ERI1: variants seen among roughly 807,000 people sequenced by gnomAD.
ERI1 encodes exoribonuclease 1.
A neutral mutation model predicts 39.7 loss-of-function variants in ERI1; 39 were observed. That is an observed-to-expected ratio of 0.98 (90% CI 0.76 to 1.28). The LOEUF (loss-of-function observed/expected upper bound fraction) is 1.28. Among genes scored for constraint, ERI1 ranks in the 50% most tolerant of loss-of-function variants. The pLI is 0.00. For synonymous variants in ERI1, 204 were observed against 149.6 expected (o/e 1.36, Z -2.65); for missense variants, 581 against 416.9 (o/e 1.39, Z -3.43).
chr8:9,036,041 A>G (rs371048831), downstream of ERI1, among the ~76,000 whole-genome samples: 5 of 152,246 alleles, frequency 3.3e-5, no homozygotes, highest in Admixed American at 2.6e-4. Context: ...CAGCCTCATG[A>G]TAAAACTTGA....
chr8:9,009,936 CTA>C (rs1239475341), intron 2 of ERI1, among the ~76,000 whole-genome samples: 1 of 152,208 alleles, frequency 6.6e-6, no homozygotes, highest in Non-Finnish European at 1.5e-5. Flanking sequence ...TGAAGGAACT[CTA>C]TGCTGAAGTC....
chr8:9,048,788 G>T lies in ERI1; in HGVS notation n.299+28324G>T, dbSNP rs577568304. Among the ~76,000 whole-genome samples, 26 of 152,214 alleles carry T rather than the reference G, an allele frequency of 1.7e-4. No individual in the cohort carries two copies. In the South Asian group the frequency reaches 2.7e-3, roughly 16 times the overall value. On this transcript the variant is annotated intron_variant and non_coding_transcript_variant, in intron 3 of 3. Transcript: ENST00000518663. ...GCTTCCTGAGTAGCTGGGACCACAG[G>T]TACGTGCCCCTGGCTAATTATTATT...
At chr8:9,094,343 C>T (rs1799805541) in intron 3 of ERI1, among the ~76,000 whole-genome samples, 1 of 152,210 alleles carries the variant, frequency 6.6e-6, no homozygotes, top group African/African-American at 2.4e-5. Context: ...ACTTGGGCAG[C>T]ATTCCAAAAG....
At chr8:9,013,100 C>A (rs899222285) in intron 3 of ERI1, among the ~76,000 whole-genome samples, 1 of 151,956 alleles carries the variant, frequency 6.6e-6, no homozygotes, top group Admixed American at 6.6e-5. Flanking sequence ...CTGCAACCTC[C>A]ACCTCCTGGG....
At chr8:9,016,266 GT>G (rs1296228151) in intron 3 of ERI1, 55 bp from the exon 4 acceptor site, 1 of 1,082,960 alleles carries the variant, frequency 9.2e-7, no homozygotes, top group Non-Finnish European at 1.4e-6. Context: ...CGTGTATCAT[GT>G]ATCGTGTATC....
At chr8:9,036,902 C>A (rs950115815), downstream of ERI1, among the ~76,000 whole-genome samples, 8 of 152,120 alleles carry the variant, frequency 5.3e-5, no homozygotes, top group African/African-American at 1.7e-4. Context: ...GTCAGTGGGA[C>A]CATGATTATC....
At chr8:9,076,813 C>G (rs148977798) in intron 3 of ERI1, among the ~76,000 whole-genome samples, 1 of 152,336 alleles carries the variant, frequency 6.6e-6, no homozygotes, top group Non-Finnish European at 1.5e-5. Flanking sequence ...GATGTGTGTT[C>G]TCCTGCAGTG....
In ERI1 at chr8:9,024,402, T is replaced by TTC. The variant is rs563799340; in HGVS notation, c.807+3939_807+3940insCT. On this transcript the variant is annotated intron_variant, in intron 6 of 6. Transcript: ENST00000250263. ...CTGTTTCTTTTTGCTTTTCTCTTCT[T>TTC]TTTTCTCTTTTCTTTTCTTTTCTTT... Among the ~76,000 whole-genome samples the TTC allele has an allele frequency of 6.7e-3, 1,013 of 151,478 alleles. 9 individuals carry two copies. Among genetic ancestry groups the TTC allele is most frequent in the African/African-American group, 0.024 (970 of 41,276 alleles).
Position 9,004,485 on chromosome 8 carries a change from C to CTTTTTTT in ERI1, c.108+1334_108+1340dup, listed in dbSNP as rs71201904. Among the ~76,000 whole-genome samples the CTTTTTTT allele has an allele frequency of 1.8e-3, 140 of 78,304 alleles. 4 individuals are homozygous for CTTTTTTT. Among genetic ancestry groups the CTTTTTTT allele is most frequent in the African/African-American group, 6.4e-3 (128 of 20,060 alleles). The allele number at this position is 78,304 out of a possible 152,430, so 51.4% of individuals were successfully genotyped here. ...CTGTTGCATGCTCTTTATAGTGATA[C>CTTTTTTT]TTTTTTTTTTTTTTTTTTTTTTTTT... On this transcript the variant is annotated intron_variant, in intron 1 of 6. Transcript: ENST00000250263.
At chr8:9,066,247 C>T (rs1485030089) in intron 3 of ERI1, among the ~76,000 whole-genome samples, 1 of 152,180 alleles carries the variant, frequency 6.6e-6, no homozygotes, top group African/African-American at 2.4e-5. Context: ...TTCCCACTAG[C>T]AGGGGCATCT....
chr8:9,043,841 T>C (rs1226864350), intron 3 of ERI1, among the ~76,000 whole-genome samples: 3 of 152,250 alleles, frequency 2.0e-5, no homozygotes, highest in Non-Finnish European at 4.4e-5. Context: ...GCCATAATTG[T>C]ATTGTTTATA....
At chr8:9,084,362 G>A (rs1799461700) in intron 3 of ERI1, among the ~76,000 whole-genome samples, 1 of 152,082 alleles carries the variant, frequency 6.6e-6, no homozygotes, top group Non-Finnish European at 1.5e-5. Flanking sequence ...TTATTGCTTT[G>A]TAACTTTCTA....
intron 3 of ERI1, among the ~76,000 whole-genome samples, chr8:9,014,514 C>T (rs923474821): frequency 1.3e-5 from 2 of 152,078 alleles, no homozygotes; most frequent in African/African-American, 4.8e-5. Context: ...TTTTAATAAC[C>T]CTTACTACCT....
At chr8:9,085,151 G>T (rs7011476) in intron 3 of ERI1, among the ~76,000 whole-genome samples, 43,562 of 151,982 alleles carry the variant, frequency 0.29, 6,708 homozygotes, top group Non-Finnish European at 0.35. Context: ...TCCAGCCTGA[G>T]GGCTACATTC....
chr8:9,097,852 A>T (rs1374790280), intron 3 of ERI1, among the ~76,000 whole-genome samples: 1 of 152,206 alleles, frequency 6.6e-6, no homozygotes, highest in Non-Finnish European at 1.5e-5. Flanking sequence ...ATTAAAAAAA[A>T]ATGCTTAACA....
intron 3 of ERI1, among the ~76,000 whole-genome samples, chr8:9,067,550 G>C (rs761255696): frequency 2.0e-5 from 3 of 151,684 alleles, no homozygotes; most frequent in Non-Finnish European, 4.4e-5. Flanking sequence ...AGCTACTTAG[G>C]AGACTTAGGT....
At chr8:9,041,562 T>A (rs1798020603) in intron 3 of ERI1, among the ~76,000 whole-genome samples, 1 of 152,116 alleles carries the variant, frequency 6.6e-6, no homozygotes, top group South Asian at 2.1e-4. Flanking sequence ...ACGTGCAAAT[T>A]AAACAACATG....
At chr8:9,080,983 C>CA (rs1435594759) in intron 3 of ERI1, among the ~76,000 whole-genome samples, 1 of 152,148 alleles carries the variant, frequency 6.6e-6, no homozygotes, top group Non-Finnish European at 1.5e-5. Context: ...AATTTATAAA[C>CA]AAAAAAGGTT....
At chr8:9,059,573 T>G (rs1486108130) in intron 3 of ERI1, among the ~76,000 whole-genome samples, 1 of 152,010 alleles carries the variant, frequency 6.6e-6, no homozygotes, top group East Asian at 1.9e-4. Flanking sequence ...AGATACAATT[T>G]TGTATGAAGT....
Sources: gnomAD v4.1 joint callset for allele counts (sites outside exome capture counted in the v4.1 genomes callset) on GRCh38, gnomAD v4.1.1 for gene constraint, MANE v1.5 for transcripts, NCBI Gene and HGNC (gene_info 2026-07-23, HGNC 2026-07-21) for gene names.